NTRK3: variants seen among roughly 807,000 people sequenced by gnomAD.
The protein encoded by NTRK3 is neurotrophic receptor tyrosine kinase 3, also known as NT-3 growth factor receptor.
NTRK3 carries 24 observed loss-of-function variants against 91.7 expected under a neutral mutation model. The observed-to-expected ratio is 0.26, with a 90% confidence interval of 0.19 to 0.37. The LOEUF is 0.37. Among genes scored for constraint, NTRK3 ranks in the 10% least tolerant of loss-of-function variants. NTRK3 has a pLI of 1.00. For missense variants in NTRK3, 880 were observed against 1,068.9 expected (o/e 0.82, Z 2.46); for synonymous variants, 483 against 404.0 (o/e 1.20, Z -2.34).
intron 17 of NTRK3, among the ~76,000 whole-genome samples, chr15:87,913,984 C>G (rs577172696): frequency 6.6e-6 from 1 of 152,180 alleles, no homozygotes; most frequent in African/African-American, 2.4e-5. Context: ...CCCTTCCTGG[C>G]TCTGGACAAG....
At chr15:88,004,574 AAG>A (rs1465494879) in intron 14 of NTRK3, among the ~76,000 whole-genome samples, 1 of 152,220 alleles carries the variant, frequency 6.6e-6, no homozygotes, top group Non-Finnish European at 1.5e-5. Context: ...TGTTGGAAAA[AAG>A]AACACATTGT....
chr15:87,901,531 G>T (rs2066451815), intron 17 of NTRK3, among the ~76,000 whole-genome samples: 1 of 152,236 alleles, frequency 6.6e-6, no homozygotes, highest in Admixed American at 6.5e-5. Context: ...AACAGAGGTA[G>T]AAAGAGATGC....
intron 13 of NTRK3, among the ~76,000 whole-genome samples, chr15:88,042,900 C>T (rs1219949377): frequency 1.3e-5 from 2 of 152,222 alleles, no homozygotes; most frequent in African/African-American, 4.8e-5. Flanking sequence ...AGTCTGGGCT[C>T]ATTTCACTGC....
chr15:88,043,955 T>G (rs1197040210), intron 13 of NTRK3, among the ~76,000 whole-genome samples: 3 of 152,158 alleles, frequency 2.0e-5, no homozygotes, highest in Non-Finnish European at 4.4e-5. Context: ...TCCCAGTATT[T>G]CTAAGTACAC....
At chr15:88,062,301 C>G (rs2046290857) in intron 13 of NTRK3, among the ~76,000 whole-genome samples, 1 of 152,216 alleles carries the variant, frequency 6.6e-6, no homozygotes, top group Non-Finnish European at 1.5e-5. Flanking sequence ...AAGAAGTACT[C>G]CATAAATGAT....
chr15:87,869,018 C>G (rs2064758499), exon 19 of NTRK3: 1 of 228,840 alleles, frequency 4.4e-6, no homozygotes, highest in Admixed American at 5.7e-5. Flanking sequence ...CACACTAATT[C>G]CTTTTAAACC....
chr15:88,200,415 T>C (rs557362158), intron 3 of NTRK3, among the ~76,000 whole-genome samples: 1 of 152,340 alleles, frequency 6.6e-6, no homozygotes, highest in African/African-American at 2.4e-5. Context: ...GCACCACTGA[T>C]ATGGTTTGGC....
In NTRK3 at chr15:88,054,362, C is replaced by A. The variant is rs115934638; in HGVS notation, c.1397-21317G>T. Among the ~76,000 whole-genome samples, 1,368 of 152,256 alleles carry A rather than the reference C, an allele frequency of 9.0e-3. 16 individuals are homozygous for A. Among genetic ancestry groups the A allele is most frequent in the African/African-American group, 0.031 (1,305 of 41,540 alleles). ...TCTAAGTGTCCTCTGCTTCTGCCCA[C>A]CCCGGTCCCAGCCAGAACTCCTCAT... On this transcript the variant is annotated intron_variant, in intron 13 of 18. Coordinates refer to ENST00000394480, the Ensembl canonical transcript of NTRK3.
At chr15:88,194,298 G>A (rs1279158777) in intron 3 of NTRK3, among the ~76,000 whole-genome samples, 1 of 152,202 alleles carries the variant, frequency 6.6e-6, no homozygotes, top group East Asian at 1.9e-4. Context: ...ATGTGCCAAG[G>A]TGATCTCCCC....
chr15:88,002,265 C>T (rs2076164440), intron 14 of NTRK3, among the ~76,000 whole-genome samples: 1 of 145,506 alleles, frequency 6.9e-6, no homozygotes, highest in Admixed American at 7.1e-5. Context: ...AGCATTCAGG[C>T]TCACACAGGA....
chr15:87,992,845 A>C (rs570369647), intron 14 of NTRK3, among the ~76,000 whole-genome samples: 1 of 152,344 alleles, frequency 6.6e-6, no homozygotes, highest in Admixed American at 6.5e-5. Context: ...CAAGGGCAGG[A>C]AACAAATCCA....
chr15:88,014,485 G>T (rs1217522376), intron 14 of NTRK3, among the ~76,000 whole-genome samples: 1 of 152,202 alleles, frequency 6.6e-6, no homozygotes, highest in Non-Finnish European at 1.5e-5. Context: ...GTTCTACAAG[G>T]AAGTTAAGTG....
intron 13 of NTRK3, among the ~76,000 whole-genome samples, chr15:88,119,391 T>C (rs111228943): frequency 1.7e-4 from 26 of 152,344 alleles, no homozygotes; most frequent in African/African-American, 5.8e-4. Context: ...CCTGTGGATC[T>C]GCTACAAACC....
chr15:88,132,991 G>A (rs969631105), intron 10 of NTRK3, among the ~76,000 whole-genome samples: 6 of 152,174 alleles, frequency 3.9e-5, no homozygotes, highest in African/African-American at 1.4e-4. Context: ...GTAGTAGATT[G>A]CAAAGGAGGG....
chr15:88,061,343 C>G, intron 13 of NTRK3, among the ~76,000 whole-genome samples: 1 of 152,212 alleles, frequency 6.6e-6, no homozygotes, highest in Non-Finnish European at 1.5e-5. Flanking sequence ...GGGAGCCCTG[C>G]CACGGCCTCA....
intron 6 of NTRK3, among the ~76,000 whole-genome samples, chr15:88,138,222 T>G (rs1305872439): frequency 6.6e-6 from 1 of 151,404 alleles, no homozygotes; most frequent in Non-Finnish European, 1.5e-5. Context: ...ATTAACACTG[T>G]GAAACCCCCA....
intron 17 of NTRK3, among the ~76,000 whole-genome samples, chr15:87,907,550 A>T (rs759727763): frequency 2.0e-5 from 3 of 152,130 alleles, no homozygotes; most frequent in Non-Finnish European, 2.9e-5. Context: ...ATTAGAAACC[A>T]GAAGCTTCTC....
intron 14 of NTRK3, among the ~76,000 whole-genome samples, chr15:87,997,907 C>G (rs1253545223): frequency 6.6e-6 from 1 of 152,132 alleles, no homozygotes; most frequent in Non-Finnish European, 1.5e-5. Context: ...GGGAGAGTCA[C>G]TGTCTTTCCA....
At chr15:87,878,136 GT>G (rs2065037122) in intron 18 of NTRK3, among the ~76,000 whole-genome samples, 1 of 152,026 alleles carries the variant, frequency 6.6e-6, no homozygotes, top group African/African-American at 2.4e-5. Flanking sequence ...CATAACTTTG[GT>G]CAAGTCACTG....
Sources: allele counts gnomAD v4.1 joint callset (sites outside exome capture counted in the v4.1 genomes callset), GRCh38; gene constraint gnomAD v4.1.1; transcripts MANE v1.5; gene names NCBI Gene and HGNC (gene_info 2026-07-23, HGNC 2026-07-21).